The following RBFOX1 variants were observed in gnomAD, a reference collection of about 807,000 sequenced individuals.
RBFOX1 encodes RNA binding fox-1 homolog 1, also known as RNA binding protein fox-1 homolog 1.
Under a neutral mutation model 57.7 loss-of-function variants are expected in RBFOX1, and 8 were observed. The ratio of observed to expected loss-of-function variants is 0.14; its 90% CI spans 0.08 to 0.25. The LOEUF is 0.25. Among genes scored for constraint, RBFOX1 ranks in the 10% least tolerant of loss-of-function variants. RBFOX1 has a pLI of 1.00. For synonymous variants in RBFOX1, 326 were observed against 222.4 expected (o/e 1.47, Z -4.15); for missense variants, 611 against 548.5 (o/e 1.11, Z -1.14).
Position 6,765,936 on chromosome 16 carries a change from T to C in RBFOX1, c.-16+111286T>C, listed in dbSNP as rs867696697. The stretch of plus-strand genomic sequence containing the variant: ...GTAAGTGGGAACTAAGGTATGAGGA[T>C]GCAAAGGTATACAGTATGATGGACA... On this transcript the variant is annotated intron_variant, in intron 3 of 15. Transcript: ENST00000550418. Among the ~76,000 whole-genome samples, 11 of 152,100 alleles carry C rather than the reference T, an allele frequency of 7.2e-5. No homozygotes were observed. The South Asian group carries it at 1.2e-3, about 17-fold the overall frequency.
intron 4 of RBFOX1, among the ~76,000 whole-genome samples, chr16:6,001,687 C>A (rs1320178812): frequency 1.3e-5 from 2 of 152,112 alleles, no homozygotes; most frequent in Non-Finnish European, 2.9e-5. Flanking sequence ...TTAATGTTTT[C>A]ATTTCAAAAT....
At chr16:7,170,127 T>C (rs1222473406) in intron 4 of RBFOX1, among the ~76,000 whole-genome samples, 1 of 152,182 alleles carries the variant, frequency 6.6e-6, no homozygotes, top group African/African-American at 2.4e-5. Context: ...GGGTAATTAA[T>C]ATATCTTATG....
intron 1 of RBFOX1, among the ~76,000 whole-genome samples, chr16:6,202,828 C>G (rs752092475): frequency 2.6e-5 from 4 of 152,052 alleles, no homozygotes; most frequent in South Asian, 2.1e-4. Context: ...CATTCTGTTG[C>G]CCAGGCTGGA....
chr16:6,054,801 G>C (rs1214453818), intron 1 of RBFOX1, among the ~76,000 whole-genome samples: 2 of 151,800 alleles, frequency 1.3e-5, no homozygotes, highest in African/African-American at 4.8e-5. Context: ...TATTATTTTT[G>C]AGACAGAGTC....
At chr16:5,591,060 C>G (rs1263037587) in intron 2 of RBFOX1, among the ~76,000 whole-genome samples, 1 of 151,756 alleles carries the variant, frequency 6.6e-6, no homozygotes. Flanking sequence ...GAAGCCTTAC[C>G]CAAAGGGTTC....
intron 4 of RBFOX1, among the ~76,000 whole-genome samples, chr16:7,378,543 C>T (rs1240794204): frequency 2.0e-5 from 3 of 152,190 alleles, no homozygotes; most frequent in South Asian, 2.1e-4. Flanking sequence ...TCTACCAAGC[C>T]AGTGGCAACT....
chr16:6,774,823 G>C (rs192759034), intron 3 of RBFOX1, among the ~76,000 whole-genome samples: 3,405 of 152,110 alleles, frequency 0.022, 138 homozygotes, highest in African/African-American at 0.075. Context: ...GCCATGAGCC[G>C]TATGGGCCTA....
At chr16:7,448,822 G>C (rs570976260) in intron 4 of RBFOX1, among the ~76,000 whole-genome samples, 1 of 151,876 alleles carries the variant, frequency 6.6e-6, no homozygotes, top group African/African-American at 2.4e-5. Flanking sequence ...CCAGCCATTG[G>C]ATTTAGGGCC....
intron 1 of RBFOX1, among the ~76,000 whole-genome samples, chr16:6,254,134 T>C (rs1445765720): frequency 6.6e-6 from 1 of 152,158 alleles, no homozygotes. Context: ...TTCGTGGGCC[T>C]GTGTGTTTGT....
chr16:5,731,871 A>G (rs562751789), intron 3 of RBFOX1, among the ~76,000 whole-genome samples: 274 of 152,272 alleles, frequency 1.8e-3, no homozygotes, highest in Non-Finnish European at 3.2e-3. Context: ...AGACACCACC[A>G]TATCTCACAT....
intron 2 of RBFOX1, among the ~76,000 whole-genome samples, chr16:6,634,600 CTATG>C (rs2098416149): frequency 7.0e-6 from 1 of 143,336 alleles, no homozygotes; most frequent in Admixed American, 7.0e-5. Context: ...TAATATTAAT[CTATG>C]TAATATATGA....
At chr16:7,156,312 A>G (rs1009765255) in intron 4 of RBFOX1, among the ~76,000 whole-genome samples, 1 of 111,116 alleles carries the variant, frequency 9.0e-6, no homozygotes, top group Non-Finnish European at 1.9e-5. Flanking sequence ...TGTATTATAC[A>G]TATATAGACT....
At chr16:5,826,655 T>C (rs2056066515) in intron 3 of RBFOX1, among the ~76,000 whole-genome samples, 1 of 152,268 alleles carries the variant, frequency 6.6e-6, no homozygotes, top group African/African-American at 2.4e-5. Flanking sequence ...TGCTCATCTC[T>C]GTTGTGAAGT....
At chr16:7,645,009 A>T (rs2063486172) in intron 11 of RBFOX1, among the ~76,000 whole-genome samples, 1 of 152,182 alleles carries the variant, frequency 6.6e-6, no homozygotes, top group Non-Finnish European at 1.5e-5. Context: ...AGCCTCTTAC[A>T]ATCTTATTCC....
chr16:7,492,217 C>T (rs982470706), intron 4 of RBFOX1, among the ~76,000 whole-genome samples: 2 of 152,154 alleles, frequency 1.3e-5, no homozygotes, highest in African/African-American at 2.4e-5. Context: ...CTTTAAGATT[C>T]GTTTACCAAT....
chr16:7,022,042 C>G (rs1356975337), intron 3 of RBFOX1, among the ~76,000 whole-genome samples: 20 of 81,710 alleles, frequency 2.4e-4, no homozygotes, highest in East Asian at 5.1e-4. Context: ...CCCTCCCCTT[C>G]CCCCTCCCCT....
chr16:5,794,511 C>CGTGT (rs59795545), intron 3 of RBFOX1, among the ~76,000 whole-genome samples: 46 of 149,800 alleles, frequency 3.1e-4, no homozygotes, highest in African/African-American at 9.1e-4. Flanking sequence ...TGCCAGCGTG[C>CGTGT]GTGTGTGTGT....
chr16:6,310,819 A>T (rs535975476), intron 1 of RBFOX1, among the ~76,000 whole-genome samples: 1 of 152,216 alleles, frequency 6.6e-6, no homozygotes, highest in South Asian at 2.1e-4. Flanking sequence ...AGAGTGGGGA[A>T]CATGGCATGA....
At chr16:6,853,538 T>G (rs915604327) in intron 3 of RBFOX1, among the ~76,000 whole-genome samples, 2 of 152,082 alleles carry the variant, frequency 1.3e-5, no homozygotes, top group Admixed American at 6.5e-5. Context: ...TGGTAGATGC[T>G]TTCAGAATTT....
Sources: gnomAD v4.1 joint callset for allele counts (sites outside exome capture counted in the v4.1 genomes callset) on GRCh38, gnomAD v4.1.1 for gene constraint, MANE v1.5 for transcripts, NCBI Gene and HGNC (gene_info 2026-07-23, HGNC 2026-07-21) for gene names.